Variants in RUBCN observed in about 807,000 individuals in gnomAD.
RUBCN encodes run domain Beclin-1-interacting and cysteine-rich domain-containing protein.
In RUBCN, 74 loss-of-function variants were observed where a neutral mutation model predicts 113.2. The observed-to-expected ratio is 0.65, with a 90% CI of 0.54 to 0.79. The LOEUF is 0.79. Among genes scored for constraint, RUBCN ranks in the 30% least tolerant of loss-of-function variants. The probability of loss-of-function intolerance (pLI) is 0.00; values close to 1 mark genes in which losing one functional copy is unlikely to be tolerated. For missense variants in RUBCN, 1,109 were observed against 1,251.7 expected, an observed-to-expected ratio of 0.89 and a Z score of 1.72; for synonymous variants, 480 against 490.0, an observed-to-expected ratio of 0.98 and a Z score of 0.27.
chr3:197,707,940 G>A (rs920355081), intron 2 of RUBCN, among the ~76,000 whole-genome samples: 1 of 151,546 alleles, frequency 6.6e-6, no homozygotes, highest in Admixed American at 6.6e-5. Context: ...CTCCAGCTTG[G>A]GCAATAGTGC....
At chr3:197,679,826 G>A (rs1299295271) in intron 16 of RUBCN, among the ~76,000 whole-genome samples, 3 of 131,346 alleles carry the variant, frequency 2.3e-5, no homozygotes, top group African/African-American at 5.8e-5. Flanking sequence ...ACTGTCCTAC[G>A]CTCTGACAAC....
At position 197,694,562 on chromosome 3, in the gene RUBCN, T is replaced by C. The variant is rs1203313427; in HGVS notation, c.1497A>G (p.Ser499=). The C allele has an allele frequency of 1.7e-5, 28 of 1,614,082 alleles. No homozygotes were observed. Among genetic ancestry groups the C allele is most frequent in the Non-Finnish European group, 2.4e-5 (28 of 1,180,036 alleles). ...LEKENAHFSI[S]ESLIAAIELM... Reference sequence around the variant, plus strand: ...GCTCGATGGCAGCAATTAAGGACTCTGAGATGCTGAAGTGGGCATTCTCCT... The same window carrying C: ...GCTCGATGGCAGCAATTAAGGACTCCGAGATGCTGAAGTGGGCATTCTCCT... Residue 499 remains serine (S), a synonymous_variant, in exon 10 of 20, where the codon TCA becomes TCG. Transcript: ENST00000296343.
intron 11 of RUBCN, among the ~76,000 whole-genome samples, chr3:197,687,948 C>T (rs752049874): frequency 1.3e-5 from 2 of 152,198 alleles, no homozygotes; most frequent in Non-Finnish European, 2.9e-5. Context: ...ATGTATCACT[C>T]CTTCACATTT....
rs907603443 is a variant in RUBCN at position 197,681,734 on chromosome 3, C to T, written c.2191+101G>A. The T allele has an allele frequency of 3.4e-5, 35 of 1,043,538 alleles. No homozygotes were observed. The highest frequency in any genetic ancestry group is 6.4e-5 in the South Asian group (5 of 78,726). 64.6% of individuals were successfully genotyped at this position (1,043,538 alleles called of 1,614,324 possible). A position where few individuals can be genotyped will look rare whatever the true frequency, so the allele number is the denominator to read the frequency against. On this transcript the variant is annotated intron_variant, in intron 15 of 19. Coordinates refer to ENST00000296343, the MANE Select transcript of RUBCN (RefSeq NM_014687.4). This position sits in a 1 kb window ranked among gnomAD's most constrained non-coding sequence, Gnocchi z 5.5. Reference sequence around the variant, plus strand: ...TCTTTCTCCTTCCCTACTTCTGCCACGCCACCTCCTGCTACCGCCTTTGAC... The same window carrying T: ...TCTTTCTCCTTCCCTACTTCTGCCATGCCACCTCCTGCTACCGCCTTTGAC...
chr3:197,690,989 T>C, intron 11 of RUBCN: 1 of 698,750 alleles, frequency 1.4e-6, no homozygotes, highest in East Asian at 6.5e-5. Flanking sequence ...TTGACAGTTA[T>C]CACATGATTA....
At chr3:197,713,880 C>G (rs546413551) in intron 2 of RUBCN, among the ~76,000 whole-genome samples, 102 of 152,102 alleles carry the variant, frequency 6.7e-4, no homozygotes, top group Middle Eastern at 6.8e-3. Flanking sequence ...CAAGACCATC[C>G]TGGCTAACAC....
rs1461592911 is a variant in RUBCN, at chr3:197,689,808, T to C, written c.1786+3907A>G. On this transcript the variant is annotated intron_variant, in intron 11 of 19. Transcript: ENST00000296343. ...CCATTGATTGAACATTTATCATTTC[T>C]CTGTGTTGGGAATACTTCGAATCTC... 4.6e-5 allele frequency among the ~76,000 whole-genome samples: 7 copies of C among 152,352 alleles called. No individual in the cohort carries two copies. In the East Asian group the frequency reaches 1.2e-3, roughly 25 times the overall value.
intron 13 of RUBCN, among the ~76,000 whole-genome samples, chr3:197,682,916 G>C (rs1721415424): frequency 6.6e-6 from 1 of 152,214 alleles, no homozygotes. Flanking sequence ...CAGCCTACCA[G>C]GGCAGTGGCC....
Position 197,683,406 on chromosome 3 carries a change from C to T in RUBCN, c.1881G>A (p.Glu627=). 6.2e-7 allele frequency: 1 copy of T among 1,614,200 alleles called. No individual in the cohort carries two copies. Among genetic ancestry groups the T allele is most frequent in the Non-Finnish European group, 8.5e-7 (1 of 1,180,030 alleles). Residue 627 remains glutamate, a synonymous_variant, in exon 13 of 20, where the codon GAG becomes GAA. Coordinates refer to ENST00000296343, the MANE Select transcript of RUBCN (RefSeq NM_014687.4). This position sits in a 1 kb window ranked among gnomAD's most constrained non-coding sequence, Gnocchi z 4.6. The part of the protein sequence containing the change: ...SHCFLHSTSA[E]AVAMGLLKQF... ...GCTTCAGGAGCCCCATGGCCACCGC[C>T]TCAGCAGACGTGGAGTGCAGGAAGC...
chr3:197,677,512 C>T lies in RUBCN; in HGVS notation c.2460G>A (p.Lys820=), dbSNP rs748059238. 1.8e-5 allele frequency: 29 copies of T among 1,614,162 alleles called. No homozygotes were observed. Among genetic ancestry groups the T allele is most frequent in the Non-Finnish European group, 2.3e-5 (27 of 1,180,028 alleles). The change falls in exon 17 of 20, where the codon AAG becomes AAA. Residue 820 remains lysine, a synonymous_variant. Transcript: ENST00000296343. The part of the protein sequence containing the change: ...RLLRVQLCHM[K]NMFKTCRLAK... Reference sequence around the variant, plus strand: ...CCAGTCGGCAAGTCTTGAACATGTTCTTCATGTGACACAGCTGGACCCGCA... The same window carrying T: ...CCAGTCGGCAAGTCTTGAACATGTTTTTCATGTGACACAGCTGGACCCGCA...
chr3:197,697,298 A>G (rs149163681), intron 7 of RUBCN, among the ~76,000 whole-genome samples: 1 of 152,242 alleles, frequency 6.6e-6, no homozygotes, highest in Non-Finnish European at 1.5e-5. Context: ...GGAAAGAATC[A>G]AATCAAAATG....
rs1337262403 is a variant in RUBCN, at chr3:197,681,214, A to C, written c.2345T>G (p.Ile782Ser). 78 of 1,613,998 alleles carry C rather than the reference A, an allele frequency of 4.8e-5. No homozygotes were observed. The highest frequency in any genetic ancestry group is 6.3e-5 in the Non-Finnish European group (74 of 1,179,986). ...YVSNFSKDLLIKIWNDPLFNV... is the reference protein window; with the variant it reads ...YVSNFSKDLLSKIWNDPLFNV... ...GAAGAGAGGATCATTCCAGATCTTA[A>C]TGAGCAGGTCCTTGGAGAAGTTGCT... The change falls in exon 16 of 20, where the codon ATT becomes AGT. Residue 782 changes from isoleucine (I) to serine (S), a missense_variant. Transcript: ENST00000296343. The surrounding 1 kb of genome is among the most constrained non-coding windows in gnomAD (Gnocchi z 5.5).
intron 1 of RUBCN, among the ~76,000 whole-genome samples, chr3:197,719,084 C>T (rs1725854146): frequency 6.6e-6 from 1 of 152,180 alleles, no homozygotes; most frequent in South Asian, 2.1e-4. Flanking sequence ...AGGTTACAAT[C>T]CGGTCTCATA....
At chr3:197,745,454 A>G (rs970043230) in intron 1 of RUBCN, among the ~76,000 whole-genome samples, 2 of 151,174 alleles carry the variant, frequency 1.3e-5, no homozygotes, top group Non-Finnish European at 2.9e-5. Flanking sequence ...TGTCTCTACT[A>G]AAAATACAAA....
At chr3:197,678,160 A>ACTGG in intron 16 of RUBCN, among the ~76,000 whole-genome samples, 1 of 144,190 alleles carries the variant, frequency 6.9e-6, no homozygotes, top group Admixed American at 6.7e-5. Context: ...CCACACTCTG[A>ACTGG]CAGCTGGCTT....
exon 1 of RUBCN, chr3:197,749,394 CA>C (rs1360344617): frequency 8.4e-7 from 1 of 1,191,270 alleles, no homozygotes; most frequent in African/African-American, 1.6e-5. Flanking sequence ...TAAGGTGACG[CA>C]GGAACCGTCA....
chr3:197,719,602 T>A (rs1725925339), intron 1 of RUBCN, among the ~76,000 whole-genome samples: 1 of 152,146 alleles, frequency 6.6e-6, no homozygotes, highest in South Asian at 2.1e-4. Flanking sequence ...CTTTGAGCAT[T>A]CAGATCTACC....
At chr3:197,695,830 A>C in intron 9 of RUBCN, 36 bp downstream of exon 9, 1 of 1,575,182 alleles carries the variant, frequency 6.3e-7, no homozygotes, top group Non-Finnish European at 8.7e-7. Flanking sequence ...CAATCTCCCA[A>C]CTCATGAGCT....
At chr3:197,688,669 A>T (rs1722108639) in intron 11 of RUBCN, among the ~76,000 whole-genome samples, 1 of 152,240 alleles carries the variant, frequency 6.6e-6, no homozygotes, top group Admixed American at 6.5e-5. Flanking sequence ...TAGCAACAAC[A>T]AAACTCTAAA....
Sources: allele counts gnomAD v4.1 joint callset (sites outside exome capture counted in the v4.1 genomes callset), GRCh38; gene constraint gnomAD v4.1.1; non-coding constraint Gnocchi (gnomAD v3.1); transcripts MANE v1.5; gene names NCBI Gene and HGNC (gene_info 2026-07-23, HGNC 2026-07-21).